The following SPOCK3 variants were observed in gnomAD, a reference collection of about 807,000 sequenced individuals.
SPOCK3 encodes the protein SPARC (osteonectin), cwcv and kazal like domains proteoglycan 3.
Under a neutral mutation model 56.6 loss-of-function variants are expected in SPOCK3, and 30 were observed. That is an observed-to-expected ratio of 0.53 (90% CI 0.40 to 0.72). The LOEUF (loss-of-function observed/expected upper bound fraction) is 0.72. SPOCK3 is among the 30% of genes least tolerant of loss of function. The probability of loss-of-function intolerance (pLI) is 0.00; values close to 1 mark genes in which losing one functional copy is unlikely to be tolerated. For synonymous variants in SPOCK3, 196 were observed against 183.3 expected (o/e 1.07, Z -0.56); for missense variants, 527 against 530.0 (o/e 0.99, Z 0.06).
chr4:166,770,207 C>T (rs527472906), intron 7 of SPOCK3, among the ~76,000 whole-genome samples: 15 of 152,166 alleles, frequency 9.9e-5, no homozygotes, highest in African/African-American at 1.7e-4. Flanking sequence ...CCCCACTGTC[C>T]GATAAGCCCC....
chr4:166,880,318 C>G (rs1023344243), intron 6 of SPOCK3, among the ~76,000 whole-genome samples: 4 of 152,162 alleles, frequency 2.6e-5, no homozygotes, highest in Non-Finnish European at 4.4e-5. Flanking sequence ...TCCTCAGCTT[C>G]TGGTACACTG....
intron 6 of SPOCK3, among the ~76,000 whole-genome samples, chr4:166,799,792 G>A (rs2126682125): frequency 6.6e-6 from 1 of 152,068 alleles, no homozygotes; most frequent in East Asian, 1.9e-4. Context: ...AAATAAAAGC[G>A]AACTGAGAAG....
At chr4:167,191,147 T>C (rs1732442523) in intron 2 of SPOCK3, among the ~76,000 whole-genome samples, 1 of 146,116 alleles carries the variant, frequency 6.8e-6, no homozygotes, top group African/African-American at 2.6e-5. Context: ...GATTGTTTTT[T>C]TATTTTCTAT....
At chr4:167,182,398 CAAAAG>C (rs1731550719) in intron 2 of SPOCK3, among the ~76,000 whole-genome samples, 1 of 73,774 alleles carries the variant, frequency 1.4e-5, no homozygotes, top group Non-Finnish European at 2.7e-5. Context: ...TCCTTAAAGA[CAAAAG>C]AAAGACAAAA....
intron 2 of SPOCK3, among the ~76,000 whole-genome samples, chr4:167,203,300 C>G (rs1394164329): frequency 6.6e-6 from 1 of 151,810 alleles, no homozygotes; most frequent in Non-Finnish European, 1.5e-5. Flanking sequence ...CATAAACTTT[C>G]TAGGGATTTT....
chr4:166,888,535 T>A (rs1214576270), intron 6 of SPOCK3, among the ~76,000 whole-genome samples: 3 of 152,000 alleles, frequency 2.0e-5, no homozygotes, highest in Admixed American at 1.3e-4. Context: ...TAATAAATAA[T>A]CTTAAGTCAA....
chr4:167,109,494 A>T (rs1200555241), intron 2 of SPOCK3, among the ~76,000 whole-genome samples: 1 of 115,356 alleles, frequency 8.7e-6, no homozygotes, highest in Non-Finnish European at 1.7e-5. Flanking sequence ...AAATATATTT[A>T]TATATTTTAT....
chr4:167,043,485 T>A (rs778742483), intron 3 of SPOCK3, among the ~76,000 whole-genome samples: 2 of 152,092 alleles, frequency 1.3e-5, no homozygotes, highest in Non-Finnish European at 2.9e-5. Flanking sequence ...ACTTTCGTTA[T>A]AAAGTTGAAA....
intron 2 of SPOCK3, among the ~76,000 whole-genome samples, chr4:167,069,114 T>G (rs1443099530): frequency 6.6e-6 from 1 of 151,946 alleles, no homozygotes; most frequent in Non-Finnish European, 1.5e-5. Flanking sequence ...ATATTCATCC[T>G]GCTACTTACT....
chr4:167,229,773 T>C (rs2111168148), intron 2 of SPOCK3, among the ~76,000 whole-genome samples: 1 of 152,254 alleles, frequency 6.6e-6, no homozygotes, highest in East Asian at 1.9e-4. Context: ...TTAGCTTACA[T>C]TAAGGTTAAA....
chr4:167,027,957 G>C (rs1030915493), intron 3 of SPOCK3, among the ~76,000 whole-genome samples: 1 of 151,834 alleles, frequency 6.6e-6, no homozygotes, highest in Non-Finnish European at 1.5e-5. Context: ...GGAACAGTTG[G>C]GTTGCATGTA....
chr4:166,922,752 C>A (rs989341215), intron 4 of SPOCK3, among the ~76,000 whole-genome samples: 2 of 152,188 alleles, frequency 1.3e-5, no homozygotes, highest in African/African-American at 4.8e-5. Flanking sequence ...ACGCAGGAAG[C>A]AGCAGGGCAG....
chr4:167,051,352 G>GT (rs1379857480), intron 3 of SPOCK3, among the ~76,000 whole-genome samples: 1 of 152,114 alleles, frequency 6.6e-6, no homozygotes, highest in Non-Finnish European at 1.5e-5. Flanking sequence ...TATGTCCAGA[G>GT]TTTTTTCAAT....
At position 166,769,281 on chromosome 4, in the gene SPOCK3, A is replaced by C. The variant is rs183853904; in HGVS notation, c.710-14552T>G. On this transcript the variant is annotated intron_variant, in intron 7 of 10. Transcript: ENST00000357545. ...AGGTGCTCTGATTTTTAGTATTTTC[A>C]GCTTTTCTGCTCTGTTTTTTCCCCA... Among the ~76,000 whole-genome samples, 326 of 152,064 alleles carry C rather than the reference A, an allele frequency of 2.1e-3. 1 individual carries two copies. The highest frequency in any genetic ancestry group is 7.2e-3 in the African/African-American group (300 of 41,476).
chr4:166,821,548 G>A lies in SPOCK3; in HGVS notation c.590-29259C>T, dbSNP rs141043866. 4.7e-4 allele frequency among the ~76,000 whole-genome samples: 71 copies of A among 152,080 alleles called. 1 individual carries two copies. The highest frequency in any genetic ancestry group is 1.6e-3 in the African/African-American group (67 of 41,502). Reference sequence around the variant, plus strand: ...GAACCTATCCAATTTTCATTTCCTGGTAAATGGATAAACAAAATGTAGTAT... The same window carrying A: ...GAACCTATCCAATTTTCATTTCCTGATAAATGGATAAACAAAATGTAGTAT... On this transcript the variant is annotated intron_variant, in intron 6 of 10. Transcript: ENST00000357545.
chr4:166,857,142 G>A (rs1249771093), intron 6 of SPOCK3, among the ~76,000 whole-genome samples: 1 of 152,174 alleles, frequency 6.6e-6, no homozygotes, highest in East Asian at 1.9e-4. Context: ...ACATATGGAA[G>A]ATAGTTTGTC....
chr4:166,895,644 A>G (rs139085442), intron 5 of SPOCK3, among the ~76,000 whole-genome samples: 10 of 152,330 alleles, frequency 6.6e-5, no homozygotes, highest in Non-Finnish European at 1.2e-4. Context: ...CTGCTTTAAA[A>G]TATATAAAAT....
At chr4:166,829,544 T>C (rs2126789167) in intron 6 of SPOCK3, among the ~76,000 whole-genome samples, 1 of 152,226 alleles carries the variant, frequency 6.6e-6, no homozygotes, top group African/African-American at 2.4e-5. Context: ...AAAACAATTC[T>C]AAAAGCACAA....
intron 6 of SPOCK3, among the ~76,000 whole-genome samples, chr4:166,854,592 A>T (rs1314872591): frequency 6.6e-6 from 1 of 152,208 alleles, no homozygotes; most frequent in Non-Finnish European, 1.5e-5. Context: ...AATGTATGCT[A>T]TTTTTATATA....
Sources: gnomAD v4.1 joint callset for allele counts (sites outside exome capture counted in the v4.1 genomes callset) on GRCh38, gnomAD v4.1.1 for gene constraint, MANE v1.5 for transcripts, NCBI Gene and HGNC (gene_info 2026-07-23, HGNC 2026-07-21) for gene names.